IQSEC2: variants seen among roughly 807,000 people sequenced by gnomAD.
The protein encoded by IQSEC2 is IQ motif and SEC7 domain-containing protein 2.
Under a neutral mutation model 74.6 loss-of-function variants are expected in IQSEC2, and 6 were observed. That is an observed-to-expected ratio of 0.08 (90% CI 0.04 to 0.16). IQSEC2 has a LOEUF of 0.16. Among genes scored for constraint, IQSEC2 ranks in the 10% least tolerant of loss-of-function variants. The pLI is 1.00. For missense variants in IQSEC2, 734 were observed against 1,306.2 expected (o/e 0.56, Z 6.75); for synonymous variants, 494 against 544.5 (o/e 0.91, Z 1.29).
chrX:53,295,603 C>CAAAA (rs782410222), intron 1 of IQSEC2, among the ~76,000 whole-genome samples: 18 of 40,553 alleles, frequency 4.4e-4, no homozygotes, highest in African/African-American at 1.2e-3. Flanking sequence ...GACTCCGTCT[C>CAAAA]AAAAAAAAAA....
intron 1 of IQSEC2, among the ~76,000 whole-genome samples, chrX:53,316,872 G>T: frequency 9.1e-6 from 1 of 109,921 alleles, no homozygotes. Flanking sequence ...ACACCACCAG[G>T]CCAGCCCCTC....
intron 2 of IQSEC2, chrX:53,281,614 A>T: frequency 9.7e-7 from 1 of 1,032,222 alleles, no homozygotes; most frequent in South Asian, 2.5e-5. Flanking sequence ...CCCTAGAAGG[A>T]GGAACCAAGA....
In IQSEC2 at chrX:53,255,859, T is replaced by G; in HGVS notation, c.940A>C (p.Lys314Gln). 8.3e-7 allele frequency: 1 copy of G among 1,211,493 alleles called. No homozygotes were observed. Among genetic ancestry groups the G allele is most frequent in the South Asian group, 1.8e-5 (1 of 56,969 alleles). ...ALRKQEEEEIKRSKALSDSYE... is the reference protein window; with the variant it reads ...ALRKQEEEEIQRSKALSDSYE... ...CTGTCCGATAGGGCCTTGGAGCGCT[T>G]TATCTCCTCCTCCTCCTGCTTCCTC... is the stretch of plus-strand genomic sequence containing the variant. The change falls in exon 3 of 15, where the codon AAG becomes CAG. Residue 314 changes from lysine (K) to glutamine (Q), a missense_variant. Physicochemically the swap from Lys to Gln is moderately conservative, Grantham distance 53. Transcript: ENST00000642864.
intron 2 of IQSEC2, chrX:53,266,323 A>G: frequency 4.1e-6 from 3 of 734,993 alleles, no homozygotes; most frequent in Non-Finnish European, 4.8e-6. Flanking sequence ...TACATCAGAC[A>G]GAGAGAAGAG....
At chrX:53,244,677 G>C (rs1208256044) in intron 8 of IQSEC2, among the ~76,000 whole-genome samples, 5 of 111,547 alleles carry the variant, frequency 4.5e-5, no homozygotes, top group Non-Finnish European at 9.4e-5. Context: ...AATAGCATGA[G>C]AAAATTACAG....
intron 1 of IQSEC2, 114 bp downstream of exon 1, chrX:53,320,303 T>G (rs782284135): frequency 1.4e-6 from 1 of 694,250 alleles, no homozygotes. Context: ...TCCTGGCGGG[T>G]TGGGACAGGA....
rs2075374449 is a variant in IQSEC2 at position 53,316,566 on chromosome X, G to A, written c.707+3851C>T. On this transcript the variant is annotated intron_variant, in intron 1 of 14. Transcript: ENST00000642864. ...AATACCACGTTGGGCCGGGCGTGGT[G>A]GCTCAGCACTTTGGGACGCCAAGGA... 3.6e-5 allele frequency among the ~76,000 whole-genome samples: 4 copies of A among 111,239 alleles called. No homozygotes were observed. In the South Asian group the frequency reaches 1.5e-3, roughly 42 times the overall value.
chrX:53,299,077 CT>C (rs1169506491), intron 1 of IQSEC2, among the ~76,000 whole-genome samples: 72 of 103,641 alleles, frequency 6.9e-4, no homozygotes, highest in Admixed American at 7.4e-4. Flanking sequence ...CTCTCTCTCT[CT>C]TTTTTTTTTT....
intron 2 of IQSEC2, among the ~76,000 whole-genome samples, chrX:53,284,164 T>C (rs1556871372): frequency 9.0e-6 from 1 of 111,042 alleles, no homozygotes; most frequent in African/African-American, 3.3e-5. Flanking sequence ...CCTAAAGTTG[T>C]ATGAAAAGCA....
chrX:53,262,360 G>A (rs1447684487), intron 2 of IQSEC2, among the ~76,000 whole-genome samples: 2 of 112,247 alleles, frequency 1.8e-5, no homozygotes, highest in Non-Finnish European at 3.8e-5. Context: ...GATGGGATCA[G>A]GATGCAGTTG....
At chrX:53,320,009 CG>C (rs1443748252) in intron 1 of IQSEC2, among the ~76,000 whole-genome samples, 1 of 91,587 alleles carries the variant, frequency 1.1e-5, no homozygotes, top group African/African-American at 4.2e-5. Context: ...AAAAAAAAGG[CG>C]GGGGTGGGGG....
chrX:53,279,684 G>A (rs1160564532), intron 2 of IQSEC2: 11 of 973,571 alleles, frequency 1.1e-5, no homozygotes, highest in South Asian at 2.0e-5. Flanking sequence ...GAGACAGAGA[G>A]AGACAGAGAG....
At chrX:53,237,807 G>A in intron 12 of IQSEC2, 2 of 265,845 alleles carry the variant, frequency 7.5e-6, no homozygotes, top group South Asian at 5.6e-5. Flanking sequence ...GGGCTTGGCA[G>A]GTTAGGCAAT....
At position 53,255,939 on chromosome X, in the gene IQSEC2, C is replaced by G; in HGVS notation, c.860G>C (p.Gly287Ala). ...SSSHMGGPPAGVGLPWAQRAR... is the reference protein window; with the variant it reads ...SSSHMGGPPAAVGLPWAQRAR... ...CCGCTGAGCCCAGGGAAGGCCCACT[C>G]CAGCAGGGGGGCCCCCCATGTGGCT... Residue 287 changes from glycine (G) to alanine (A), a missense_variant, in exon 3 of 15, where the codon GGA becomes GCA. By Grantham distance (60) the Gly-to-Ala change is moderately conservative. Transcript: ENST00000642864. 1.7e-6 allele frequency: 2 copies of G among 1,201,569 alleles called. No individual in the cohort carries two copies. Among genetic ancestry groups the G allele is most frequent in the East Asian group, 3.0e-5 (1 of 33,573 alleles).
chrX:53,235,145 G>A lies in IQSEC2; in HGVS notation c.3541C>T (p.Pro1181Ser), dbSNP rs782101524. 7.7e-5 allele frequency: 89 copies of A among 1,155,323 alleles called. No homozygotes were observed. The highest frequency in any genetic ancestry group is 6.1e-5 in the Non-Finnish European group (53 of 865,971). ...ISSPRPHQRM[P>S]PPPPPPPPEE... ...GGCGGCGGGGGTGGGGGCGGAGGTG[G>A]CATCCTCTGGTGAGGGCGTGGACTG... The change falls in exon 15 of 15, where the codon CCA becomes TCA. Residue 1181 changes from proline to serine, a missense_variant. By Grantham distance (74) the Pro-to-Ser change is moderately conservative (BLOSUM62 -1). Transcript: ENST00000642864.
At chrX:53,236,976 G>C (rs1240759861) in intron 12 of IQSEC2, among the ~76,000 whole-genome samples, 4 of 111,760 alleles carry the variant, frequency 3.6e-5, no homozygotes, top group African/African-American at 9.8e-5. Context: ...GAGCAGAGGG[G>C]CTCCTGGAAG....
chrX:53,259,960 C>G (rs2074544429), intron 2 of IQSEC2, among the ~76,000 whole-genome samples: 1 of 112,240 alleles, frequency 8.9e-6, no homozygotes, highest in Non-Finnish European at 1.9e-5. Context: ...TACTAGTGAG[C>G]AAAATGCACG....
downstream of IQSEC2, chrX:53,229,866 A>G (rs2074057008): frequency 8.9e-6 from 1 of 111,860 alleles, no homozygotes; most frequent in Non-Finnish European, 1.9e-5. Context: ...TACAACGGGG[A>G]AAGTGGTAAC....
Position 53,234,573 on chromosome X carries a change from G to A in IQSEC2, c.4113C>T (p.Tyr1371=), listed in dbSNP as rs781846571. The change falls in exon 15 of 15, where the codon TAC becomes TAT. Residue 1371 remains tyrosine (Y), a synonymous_variant. Transcript: ENST00000642864. ...CTGGAGGGTGCTGGGGGGCAGGACT[G>A]TACAGGGGCAGTGGGGATGTGGGCT... is the stretch of plus-strand genomic sequence containing the variant. ...LHQPTSPLPL[Y]SPAPQHPPAH... 18 of 1,118,694 alleles carry A rather than the reference G, an allele frequency of 1.6e-5. No homozygotes were observed. The South Asian group carries it at 4.0e-4, about 25-fold the overall frequency. The allele number at this position is 1,118,694 out of a possible 1,213,427, so 92.2% of individuals were successfully genotyped here. A position where few individuals can be genotyped will look rare whatever the true frequency, so the allele number is the denominator to read the frequency against.
Sources: allele counts gnomAD v4.1 joint callset (sites outside exome capture counted in the v4.1 genomes callset), GRCh38; gene constraint gnomAD v4.1.1; transcripts MANE v1.5; gene names NCBI Gene and HGNC (gene_info 2026-07-23, HGNC 2026-07-21).